KAZN: variants seen among roughly 807,000 people sequenced by gnomAD.
KAZN encodes kazrin, periplakin interacting protein.
KAZN carries 40 observed loss-of-function variants against 87.4 expected under a neutral mutation model. That is an observed-to-expected ratio of 0.46 (90% CI 0.36 to 0.60). KAZN has a LOEUF of 0.60. Ranked by LOEUF, KAZN falls within the 20% of genes least tolerant of loss-of-function variation. The pLI, the probability that KAZN is intolerant of heterozygous loss-of-function variation, is 0.00. For missense variants in KAZN, 898 were observed against 1,073.9 expected, an observed-to-expected ratio of 0.84 and a Z score of 2.29; for synonymous variants, 466 against 458.3, an observed-to-expected ratio of 1.02 and a Z score of -0.22.
rs1388111654 is a variant in KAZN at position 14,263,237 on chromosome 1, T to A, written c.249+82645T>A. On this transcript the variant is annotated intron_variant, in intron 2 of 16. Transcript: ENST00000636203. ...ACCACAAACCCCTAGGTCTATTGTA[T>A]GTTGAGCAGAGAAGATAAACTGATG... Among the ~76,000 whole-genome samples the A allele has an allele frequency of 3.3e-5, 5 of 152,324 alleles. No individual in the cohort carries two copies. The South Asian group carries it at 1.0e-3, about 32-fold the overall frequency.
At chr1:14,710,946 G>A (rs1458261050) in intron 1 of KAZN, among the ~76,000 whole-genome samples, 2 of 152,212 alleles carry the variant, frequency 1.3e-5, no homozygotes, top group Non-Finnish European at 2.9e-5. Flanking sequence ...CACTTAGGGA[G>A]GCCAAGGTGG....
At chr1:14,454,410 G>T (rs1413545078) in intron 2 of KAZN, among the ~76,000 whole-genome samples, 1 of 152,126 alleles carries the variant, frequency 6.6e-6, no homozygotes, top group African/African-American at 2.4e-5. Flanking sequence ...TGATTTACAA[G>T]TTTTCTCTCC....
chr1:14,329,563 C>T (rs6663380), intron 2 of KAZN, among the ~76,000 whole-genome samples: 13,672 of 152,248 alleles, frequency 0.09, 838 homozygotes, highest in Non-Finnish European at 0.14. Flanking sequence ...GGGAAGAGCA[C>T]AGCAGAACTG....
intron 2 of KAZN, among the ~76,000 whole-genome samples, chr1:14,523,637 C>T (rs149919021): frequency 0.012 from 1,876 of 152,342 alleles, 15 homozygotes; most frequent in Middle Eastern, 0.051. Flanking sequence ...AGTTCCATTC[C>T]CAAGCCAATA....
Position 14,046,053 on chromosome 1 carries a change from C to T in KAZN, c.92-134382C>T, listed in dbSNP as rs564503793. Among the ~76,000 whole-genome samples the T allele has an allele frequency of 4.2e-4, 64 of 152,226 alleles. 1 individual carries two copies. In the South Asian group the frequency reaches 0.012, roughly 30 times the overall value. On this transcript the variant is annotated intron_variant, in intron 1 of 16. Transcript: ENST00000636203. ...TATGAAAATCCTGCTTCTAGAGGAG[C>T]ACTTTTAAATGTAAATTCTCCAAAA...
chr1:14,484,446 A>G (rs947055283), intron 2 of KAZN, among the ~76,000 whole-genome samples: 23 of 152,260 alleles, frequency 1.5e-4, no homozygotes, highest in African/African-American at 5.1e-4. Flanking sequence ...ATCAGGTTGT[A>G]TACCATGAAT....
chr1:14,833,017 T>C (rs11582623), intron 1 of KAZN, among the ~76,000 whole-genome samples: 5,735 of 152,298 alleles, frequency 0.038, 355 homozygotes, highest in African/African-American at 0.13. Context: ...AAAATTTTAT[T>C]TTAAAAATTG....
intron 1 of KAZN, among the ~76,000 whole-genome samples, chr1:14,746,211 A>ACTAAGGATAGATGGTGTTCT (rs557084660): frequency 0.025 from 3,746 of 152,222 alleles, 75 homozygotes; most frequent in South Asian, 0.078. Context: ...CTTTACAGTC[A>ACTAAGGATAGATGGTGTTCT]CTAAGGATAG....
chr1:15,060,394 C>G lies in KAZN; in HGVS notation c.1047+92C>G, dbSNP rs899079147. On this transcript the variant is annotated intron_variant, in intron 6 of 14. Transcript: ENST00000376030. ...CGGGGTGAAGCCATACTCGCTGTTT[C>G]CTCTCGTCCACCCAGGGAGCACTCT... 3.3e-6 allele frequency: 5 copies of G among 1,527,882 alleles called. No homozygotes were observed. The East Asian group carries it at 1.1e-4, about 35-fold the overall frequency. The allele number at this position is 1,527,882 out of a possible 1,614,324, so 94.6% of individuals were successfully genotyped here.
At chr1:14,420,795 C>T (rs1025625214) in intron 2 of KAZN, among the ~76,000 whole-genome samples, 23 of 151,972 alleles carry the variant, frequency 1.5e-4, no homozygotes, top group Non-Finnish European at 2.9e-4. Flanking sequence ...CGGCCACTCC[C>T]GAGTGCGGGG....
chr1:14,623,738 G>A (rs910045893), intron 1 of KAZN, among the ~76,000 whole-genome samples: 3 of 151,938 alleles, frequency 2.0e-5, no homozygotes, highest in African/African-American at 7.3e-5. Flanking sequence ...TTGATACCTT[G>A]TATGTTCATT....
chr1:14,879,965 T>G (rs939297389), intron 1 of KAZN, among the ~76,000 whole-genome samples: 1 of 152,122 alleles, frequency 6.6e-6, no homozygotes, highest in African/African-American at 2.4e-5. Flanking sequence ...TCACAAAGAT[T>G]GAATTCAAGT....
At chr1:14,277,060 C>T (rs1411323850) in intron 2 of KAZN, among the ~76,000 whole-genome samples, 1 of 152,168 alleles carries the variant, frequency 6.6e-6, no homozygotes, top group African/African-American at 2.4e-5. Flanking sequence ...GAAAATAAAA[C>T]TTCCTCTTTT....
intron 2 of KAZN, among the ~76,000 whole-genome samples, chr1:14,314,386 A>C (rs1337033358): frequency 6.6e-6 from 1 of 152,152 alleles, no homozygotes; most frequent in Non-Finnish European, 1.5e-5. Flanking sequence ...CATCACTCTG[A>C]TATACTTGAT....
rs190964493 is a variant in KAZN at position 15,076,715 on chromosome 1, C to G, written c.1222+10962C>G. Among the ~76,000 whole-genome samples the G allele has an allele frequency of 2.2e-3, 336 of 152,330 alleles. 2 individuals carry two copies. Among genetic ancestry groups the G allele is most frequent in the Admixed American group, 4.0e-3 (61 of 15,306 alleles). On this transcript the variant is annotated intron_variant, in intron 8 of 14. Coordinates refer to ENST00000376030, the MANE Select transcript of KAZN (RefSeq NM_201628.3). ...CCCTGGGAATCTTGAGTCCCCCTCT[C>G]TGGGGAGGATGCAATGAGCTCATGC... is the stretch of plus-strand genomic sequence containing the variant.
intron 2 of KAZN, among the ~76,000 whole-genome samples, chr1:14,490,750 A>G (rs1669605314): frequency 6.6e-6 from 1 of 152,194 alleles, no homozygotes. Flanking sequence ...TTAGTATGAA[A>G]TGTTTGCATT....
intron 1 of KAZN, among the ~76,000 whole-genome samples, chr1:13,920,007 G>T (rs892296209): frequency 6.6e-6 from 1 of 151,988 alleles, no homozygotes; most frequent in Non-Finnish European, 1.5e-5. Context: ...TATTAAAAAG[G>T]TTATTTTGCT....
intron 2 of KAZN, among the ~76,000 whole-genome samples, chr1:14,554,862 G>C (rs571027023): frequency 1.4e-4 from 21 of 152,232 alleles, no homozygotes; most frequent in African/African-American, 4.8e-4. Flanking sequence ...ACACACCGAC[G>C]TCGAGTCACA....
intron 2 of KAZN, among the ~76,000 whole-genome samples, chr1:15,022,883 C>T (rs184660801): frequency 1.7e-3 from 266 of 152,324 alleles, no homozygotes; most frequent in African/African-American, 6.1e-3. Flanking sequence ...AGCTGGAGAA[C>T]CAGGGAAGGG....
Sources: gnomAD v4.1 joint callset for allele counts (sites outside exome capture counted in the v4.1 genomes callset) on GRCh38, gnomAD v4.1.1 for gene constraint, MANE v1.5 for transcripts, NCBI Gene and HGNC (gene_info 2026-07-23, HGNC 2026-07-21) for gene names.